The following ATP2C1 variants were observed in gnomAD, a reference collection of about 807,000 sequenced individuals.
ATP2C1 encodes the protein calcium-transporting ATPase type 2C member 1.
In ATP2C1, 31 loss-of-function variants were observed where a neutral mutation model predicts 120.5. The observed-to-expected ratio is 0.26, with a 90% CI of 0.19 to 0.35. The LOEUF is 0.35. Ranked by LOEUF, ATP2C1 falls within the 10% of genes least tolerant of loss-of-function variation. The probability of loss-of-function intolerance (pLI) is 1.00; values close to 1 mark genes in which losing one functional copy is unlikely to be tolerated. For synonymous variants in ATP2C1, 351 were observed against 358.7 expected (o/e 0.98, Z 0.24); for missense variants, 731 against 1,107.5 (o/e 0.66, Z 4.83).
intron 8 of ATP2C1, among the ~76,000 whole-genome samples, chr3:130,942,520 T>C (rs984253464): frequency 2.0e-5 from 3 of 152,218 alleles, no homozygotes; most frequent in African/African-American, 7.2e-5. Flanking sequence ...AGTCAGTCTT[T>C]AAATACTATG....
chr3:130,940,941 G>A (rs975767019), intron 7 of ATP2C1, among the ~76,000 whole-genome samples: 3 of 114,010 alleles, frequency 2.6e-5, no homozygotes, highest in Non-Finnish European at 3.5e-5. Flanking sequence ...TTTAGATGGA[G>A]TCTGGCTCTG....
At chr3:130,867,040 G>T (rs1405824044) in intron 1 of ATP2C1, among the ~76,000 whole-genome samples, 5 of 152,052 alleles carry the variant, frequency 3.3e-5, no homozygotes, top group Admixed American at 6.6e-5. Context: ...GGTAATTTTT[G>T]ATGTTACTAT....
intron 8 of ATP2C1, among the ~76,000 whole-genome samples, chr3:130,948,447 G>T (rs532623091): frequency 6.6e-6 from 1 of 151,946 alleles, no homozygotes; most frequent in Non-Finnish European, 1.5e-5. Context: ...GTGATAAGTT[G>T]TTTCTGTGGC....
At chr3:130,923,715 A>G (rs2059070002) in intron 2 of ATP2C1, among the ~76,000 whole-genome samples, 1 of 150,948 alleles carries the variant, frequency 6.6e-6, no homozygotes, top group Non-Finnish European at 1.5e-5. Flanking sequence ...TAAAATACAA[A>G]AATTAGCCAG....
chr3:130,865,179 T>C (rs1424956799), intron 1 of ATP2C1, among the ~76,000 whole-genome samples: 3 of 152,184 alleles, frequency 2.0e-5, no homozygotes, highest in African/African-American at 7.2e-5. Flanking sequence ...AAGGAGATCA[T>C]TCTGGAGCTT....
rs1559998903 is a variant in ATP2C1, at chr3:130,975,371, C to A, written c.1453C>A (p.Gln485Lys). ...TTGTTTTATGAAAGGTGCTTACGAA[C>A]AAGTAATTAAGTACTGTACTACATA... is the stretch of plus-strand genomic sequence containing the variant. The part of the protein sequence containing the change: ...EICFMKGAYE[Q>K]VIKYCTTYQS... Residue 485 changes from glutamine to lysine, a missense_variant, in exon 18 of 28, where the codon CAA becomes AAA. By Grantham distance (53) the Gln-to-Lys change is moderately conservative (BLOSUM62 1). This residue lies in a region of ATP2C1 where 571 missense variants were observed against 845.9 expected (regional missense o/e 0.67). Coordinates refer to ENST00000510168, the MANE Select transcript of ATP2C1 (RefSeq NM_001378687.1). 1 of 1,613,804 alleles carries A rather than the reference C, an allele frequency of 6.2e-7. No homozygotes were observed. Among genetic ancestry groups the A allele is most frequent in the Admixed American group, 1.7e-5 (1 of 59,994 alleles).
chr3:130,863,032 C>T (rs772900196), intron 1 of ATP2C1, among the ~76,000 whole-genome samples: 1 of 152,000 alleles, frequency 6.6e-6, no homozygotes, highest in Non-Finnish European at 1.5e-5. Flanking sequence ...AAGTGAGGGA[C>T]CTTGAAGCTT....
chr3:130,953,772 G>A, intron 8 of ATP2C1, 49 bp from the exon 9 acceptor site: 2 of 1,602,044 alleles, frequency 1.2e-6, no homozygotes, highest in East Asian at 2.2e-5. Context: ...CTCTAGAGAT[G>A]TTAAATGTAG....
chr3:130,968,634 C>G (rs1249169040), intron 16 of ATP2C1, among the ~76,000 whole-genome samples: 31 of 152,116 alleles, frequency 2.0e-4, no homozygotes, highest in Admixed American at 2.0e-3. Flanking sequence ...TTTATAGACG[C>G]TGTATGTGGT....
chr3:130,941,313 A>G (rs1444108559), intron 7 of ATP2C1, among the ~76,000 whole-genome samples: 2 of 151,012 alleles, frequency 1.3e-5, no homozygotes, highest in Non-Finnish European at 2.9e-5. Context: ...TCCATGCGCA[A>G]GTGTGTGCTA....
chr3:130,999,889 C>T (rs928213199), intron 27 of ATP2C1, among the ~76,000 whole-genome samples: 2 of 152,042 alleles, frequency 1.3e-5, no homozygotes, highest in Non-Finnish European at 1.5e-5. Context: ...AATCATAATA[C>T]GTGATTCTCA....
At chr3:130,913,020 A>G (rs1217616782) in intron 2 of ATP2C1, among the ~76,000 whole-genome samples, 12 of 143,380 alleles carry the variant, frequency 8.4e-5, no homozygotes, top group East Asian at 2.1e-4. Context: ...ACCAAACACC[A>G]CATATTCTCA....
intron 17 of ATP2C1, among the ~76,000 whole-genome samples, chr3:130,973,641 T>C (rs2061424533): frequency 6.6e-6 from 1 of 152,192 alleles, no homozygotes; most frequent in African/African-American, 2.4e-5. Flanking sequence ...TGTTGTATAA[T>C]TGGAAACTTA....
intron 8 of ATP2C1, among the ~76,000 whole-genome samples, chr3:130,942,079 G>A (rs1381535271): frequency 6.6e-6 from 1 of 152,188 alleles, no homozygotes; most frequent in East Asian, 1.9e-4. Context: ...TTTAAAGAAG[G>A]GAGAGGTTCC....
chr3:131,013,810 A>T (rs769795955), intron 26 of ATP2C1: 9 of 369,364 alleles, frequency 2.4e-5, no homozygotes, highest in Non-Finnish European at 3.9e-5. Context: ...TATTACCATT[A>T]ACTTGCTGAA....
At chr3:130,978,708 A>G (rs1214534154) in intron 18 of ATP2C1, among the ~76,000 whole-genome samples, 1 of 152,214 alleles carries the variant, frequency 6.6e-6, no homozygotes, top group Non-Finnish European at 1.5e-5. Context: ...CACTTTCCAA[A>G]TTAGCTTTAC....
intron 20 of ATP2C1, among the ~76,000 whole-genome samples, chr3:130,989,102 G>T (rs1376962320): frequency 2.6e-5 from 4 of 151,726 alleles, no homozygotes; most frequent in African/African-American, 4.8e-5. Context: ...AATACAAAAA[G>T]TAGCTGGGTA....
At chr3:130,926,506 C>T (rs920718131) in intron 2 of ATP2C1, among the ~76,000 whole-genome samples, 1 of 152,198 alleles carries the variant, frequency 6.6e-6, no homozygotes, top group African/African-American at 2.4e-5. Flanking sequence ...ATAACCAGAT[C>T]GTTTTAACTG....
chr3:130,862,806 T>C (rs747189116), intron 1 of ATP2C1, among the ~76,000 whole-genome samples: 2 of 152,180 alleles, frequency 1.3e-5, no homozygotes, highest in Non-Finnish European at 2.9e-5. Flanking sequence ...AATCTAAGGG[T>C]ATCCCCATCT....
Sources: allele counts gnomAD v4.1 joint callset (sites outside exome capture counted in the v4.1 genomes callset), GRCh38; gene constraint gnomAD v4.1.1; regional missense constraint gnomAD v4.1.1; transcripts MANE v1.5; gene names NCBI Gene and HGNC (gene_info 2026-07-23, HGNC 2026-07-21).